The following CTTNBP2 variants were observed in gnomAD, a reference collection of about 807,000 sequenced individuals.
CTTNBP2 encodes cortactin binding protein 2.
CTTNBP2 carries 108 observed loss-of-function variants against 156.9 expected under a neutral mutation model. The observed-to-expected ratio is 0.69, with a 90% confidence interval of 0.59 to 0.81. CTTNBP2 has a LOEUF of 0.81. Among genes scored for constraint, CTTNBP2 ranks in the 30% least tolerant of loss-of-function variants. The pLI is 0.00. For synonymous variants in CTTNBP2, 767 were observed against 751.8 expected, an observed-to-expected ratio of 1.02 and a Z score of -0.33; for missense variants, 1,924 against 2,035.4, an observed-to-expected ratio of 0.95 and a Z score of 1.05.
intron 2 of CTTNBP2, among the ~76,000 whole-genome samples, chr7:117,841,347 C>A (rs1461972329): frequency 6.6e-6 from 1 of 151,974 alleles, no homozygotes; most frequent in Admixed American, 6.6e-5. Context: ...AACTCATGGA[C>A]TACTTGGTAG....
intron 7 of CTTNBP2, among the ~76,000 whole-genome samples, chr7:117,777,973 T>C (rs1798197696): frequency 1.3e-5 from 2 of 152,204 alleles, no homozygotes; most frequent in Non-Finnish European, 2.9e-5. Context: ...CTGTGACTCA[T>C]GTTTGCTATT....
chr7:117,770,830 G>A (rs1797759700), intron 8 of CTTNBP2, among the ~76,000 whole-genome samples: 1 of 152,184 alleles, frequency 6.6e-6, no homozygotes, highest in African/African-American at 2.4e-5. Context: ...TGTGATCCCA[G>A]TCCCTGCTTC....
chr7:117,856,425 G>A (rs1357832437), intron 2 of CTTNBP2, among the ~76,000 whole-genome samples: 1 of 152,156 alleles, frequency 6.6e-6, no homozygotes, highest in Non-Finnish European at 1.5e-5. Context: ...CTCACCTCCA[G>A]ATTGTTATGT....
intron 2 of CTTNBP2, among the ~76,000 whole-genome samples, chr7:117,852,293 A>G (rs2117197632): frequency 6.6e-6 from 1 of 151,870 alleles, no homozygotes; most frequent in Non-Finnish European, 1.5e-5. Context: ...TTGCATATAC[A>G]AAACCAAAAA....
At chr7:117,830,073 T>A (rs55994200) in intron 2 of CTTNBP2, among the ~76,000 whole-genome samples, 2,410 of 152,324 alleles carry the variant, frequency 0.016, 72 homozygotes, top group African/African-American at 0.055. Context: ...ACCAAAATGA[T>A]TTTTAAAAAT....
rs150122363 is a variant in CTTNBP2, at chr7:117,779,952, G to T, written c.2523+489C>A. Among the ~76,000 whole-genome samples the T allele has an allele frequency of 8.4e-3, 1,276 of 152,084 alleles. 21 individuals carry two copies. Among genetic ancestry groups the T allele is most frequent in the African/African-American group, 0.029 (1,215 of 41,462 alleles). ...ATTTTCTATTTTCAGTAGAGACGGG[G>T]TTTCTCCATGTTGATCAGGCTGGTC... On this transcript the variant is annotated intron_variant, in intron 7 of 22. Transcript: ENST00000160373.
At chr7:117,757,680 G>A (rs756312117) in intron 11 of CTTNBP2, among the ~76,000 whole-genome samples, 195 bp downstream of exon 11, 1 of 152,116 alleles carries the variant, frequency 6.6e-6, no homozygotes, top group Non-Finnish European at 1.5e-5. Context: ...ATTACCATGG[G>A]TGTCAAGAAC....
At chr7:117,836,396 C>T (rs941481613) in intron 2 of CTTNBP2, among the ~76,000 whole-genome samples, 1 of 152,154 alleles carries the variant, frequency 6.6e-6, no homozygotes, top group Non-Finnish European at 1.5e-5. Context: ...AACCCTATCT[C>T]TACTAAAAAT....
intron 16 of CTTNBP2, among the ~76,000 whole-genome samples, chr7:117,733,221 C>T (rs1248079169): frequency 1.3e-5 from 2 of 152,152 alleles, no homozygotes; most frequent in Non-Finnish European, 2.9e-5. Flanking sequence ...TACACACACC[C>T]CAGGGGCTGT....
intron 20 of CTTNBP2, among the ~76,000 whole-genome samples, chr7:117,720,607 T>C (rs1248670611): frequency 6.6e-6 from 1 of 152,082 alleles, no homozygotes; most frequent in Non-Finnish European, 1.5e-5. Context: ...GGCAGGAGAA[T>C]TGCTTGAACC....
intron 8 of CTTNBP2, among the ~76,000 whole-genome samples, chr7:117,770,513 T>C (rs957861627): frequency 1.3e-5 from 2 of 152,212 alleles, no homozygotes; most frequent in Non-Finnish European, 2.9e-5. Context: ...ACATACTAAG[T>C]TCCAGGCACA....
intron 17 of CTTNBP2, among the ~76,000 whole-genome samples, chr7:117,726,978 C>A (rs981456270): frequency 2.0e-5 from 3 of 152,008 alleles, no homozygotes; most frequent in African/African-American, 7.3e-5. Flanking sequence ...AGACTATATT[C>A]CATATAGGAG....
Position 117,791,181 on chromosome 7 carries a change from C to A in CTTNBP2, c.2015G>T (p.Ser672Ile). Residue 672 changes from serine to isoleucine, a missense_variant, in exon 4 of 23, where the codon AGT becomes ATT. Coordinates refer to ENST00000160373, the MANE Select transcript of CTTNBP2 (RefSeq NM_033427.3). ...IAFCSSINPV[S>I]ASSCRPGASD... ...GGCACCTGGTCTACAGGATGAGGCA[C>A]TAACGGGGTTTATGGAAGAGCAAAA... 1 of 1,614,156 alleles carries A rather than the reference C, an allele frequency of 6.2e-7. No individual in the cohort carries two copies. The highest frequency in any genetic ancestry group is 8.5e-7 in the Non-Finnish European group (1 of 1,180,014).
intron 4 of CTTNBP2, among the ~76,000 whole-genome samples, chr7:117,790,150 G>C (rs1798911562): frequency 2.6e-5 from 4 of 152,186 alleles, no homozygotes; most frequent in Non-Finnish European, 5.9e-5. Flanking sequence ...CATGGTAGGA[G>C]AGACTTCTTC....
intron 2 of CTTNBP2, 116 bp from the exon 3 acceptor site, chr7:117,811,105 T>C (rs1800249093): frequency 4.0e-6 from 3 of 742,776 alleles, no homozygotes; most frequent in Non-Finnish European, 4.4e-6. Flanking sequence ...CTGTGAGTAA[T>C]GGCTTATGAT....
intron 8 of CTTNBP2, among the ~76,000 whole-genome samples, chr7:117,773,078 A>G (rs750860806): frequency 1.4e-4 from 22 of 152,238 alleles, no homozygotes; most frequent in South Asian, 1.2e-3. Context: ...AGTTCAAAGA[A>G]CAGATTTCTA....
chr7:117,824,194 CTTA>C (rs2117042719), intron 2 of CTTNBP2, among the ~76,000 whole-genome samples: 1 of 150,356 alleles, frequency 6.7e-6, no homozygotes, highest in South Asian at 2.1e-4. Context: ...TTTTTTTTAC[CTTA>C]TTAAGCCAAT....
intron 6 of CTTNBP2, among the ~76,000 whole-genome samples, chr7:117,781,425 C>T (rs141928204): frequency 1.9e-4 from 29 of 152,230 alleles, no homozygotes; most frequent in Middle Eastern, 3.4e-3. Context: ...TGTTGATATA[C>T]ATGTGTATCA....
chr7:117,869,918 A>G (rs1474389389), intron 1 of CTTNBP2, among the ~76,000 whole-genome samples: 1 of 152,224 alleles, frequency 6.6e-6, no homozygotes, highest in Non-Finnish European at 1.5e-5. Context: ...TGAGACCAGA[A>G]TGGGAACCTC....
Sources: allele counts gnomAD v4.1 joint callset (sites outside exome capture counted in the v4.1 genomes callset), GRCh38; gene constraint gnomAD v4.1.1; transcripts MANE v1.5; gene names NCBI Gene and HGNC (gene_info 2026-07-23, HGNC 2026-07-21).